The following PSD2 variants were observed in gnomAD, a reference collection of about 807,000 sequenced individuals.
The protein encoded by PSD2 is pleckstrin and Sec7 domain containing 2, also known as PH and SEC7 domain-containing protein 2.
A neutral mutation model predicts 69.8 loss-of-function variants in PSD2; 38 were observed. That is an observed-to-expected ratio of 0.54 (90% CI 0.42 to 0.71). The LOEUF is 0.71. Among genes scored for constraint, PSD2 ranks in the 30% least tolerant of loss-of-function variants. PSD2 has a pLI of 0.00. For synonymous variants in PSD2, 412 were observed against 423.0 expected, an observed-to-expected ratio of 0.97 and a Z score of 0.32; for missense variants, 943 against 1,014.5, an observed-to-expected ratio of 0.93 and a Z score of 0.96.
chr5:139,765,671 C>T, the PSD2 span, among the ~76,000 whole-genome samples: 1,409 of 152,358 alleles, frequency 9.2e-3, 7 homozygotes, highest in Non-Finnish European at 0.014. Context: ...GACCGAAGCG[C>T]GGGGCGCGGC....
chr5:139,782,017 C>T, the PSD2 span, among the ~76,000 whole-genome samples: 10 of 152,100 alleles, frequency 6.6e-5, no homozygotes, highest in East Asian at 1.4e-3. Context: ...CCCAGGGGCC[C>T]GAGAAAACAA....
the PSD2 span, among the ~76,000 whole-genome samples, chr5:139,758,444 C>T: frequency 5.3e-5 from 8 of 151,968 alleles, no homozygotes; most frequent in Non-Finnish European, 1.2e-4. Context: ...TGCTGCGGAC[C>T]GTGCGGGCAG....
chr5:139,823,105 A>G (rs1581727317), intron 7 of PSD2, among the ~76,000 whole-genome samples: 6 of 152,242 alleles, frequency 3.9e-5, no homozygotes, highest in Admixed American at 3.9e-4. Context: ...ATGCAGCTGC[A>G]TTGAAATACC....
At position 139,814,252 on chromosome 5, in the gene PSD2, C is replaced by G. The variant is rs758738537; in HGVS notation, c.904C>G (p.Pro302Ala). 1.3e-5 allele frequency: 21 copies of G among 1,613,730 alleles called. No individual in the cohort carries two copies. In the Admixed American group the frequency reaches 3.5e-4, roughly 27 times the overall value. The change falls in exon 4 of 15, where the codon CCT (proline) becomes GCT (alanine). Residue 302 changes from proline to alanine, a missense_variant. By Grantham distance (27) the Pro-to-Ala change is conservative. This residue lies in a region of PSD2 where 466 missense variants were observed against 445.0 expected (regional missense o/e 1.05). Transcript: ENST00000274710. The surrounding 1 kb of genome is among the most constrained non-coding windows in gnomAD (Gnocchi z 4.4). ...SEGLEPGSAD[P>A]LANGCQGVSE... ...GGGGTTGGAGCCTGGTAGTGCAGAC[C>G]CTCTGGCCAACGGGTGCCAGGGGGT...
chr5:139,825,155 A>C (rs1760384047), intron 7 of PSD2, among the ~76,000 whole-genome samples: 1 of 152,204 alleles, frequency 6.6e-6, no homozygotes, highest in Non-Finnish European at 1.5e-5. Flanking sequence ...AGCGATTACA[A>C]GTTGTGCAGC....
intron 7 of PSD2, among the ~76,000 whole-genome samples, chr5:139,827,672 C>T (rs1760461651): frequency 6.6e-6 from 1 of 152,154 alleles, no homozygotes; most frequent in Non-Finnish European, 1.5e-5. Context: ...GCTTGGGAGG[C>T]CTCAGGAAAC....
the PSD2 span, among the ~76,000 whole-genome samples, chr5:139,757,587 C>T: frequency 2.0e-5 from 3 of 152,136 alleles, no homozygotes; most frequent in African/African-American, 4.8e-5. Flanking sequence ...GTTGTTCCCC[C>T]GTCCCCACCC....
At chr5:139,750,025 TAAAA>T in the PSD2 span, among the ~76,000 whole-genome samples, 3 of 119,872 alleles carry the variant, frequency 2.5e-5, no homozygotes, top group South Asian at 8.0e-4. Flanking sequence ...GAGACCGTCT[TAAAA>T]AAAAAAAAAA....
intron 7 of PSD2, among the ~76,000 whole-genome samples, chr5:139,827,343 T>G (rs1014693515): frequency 2.6e-5 from 4 of 152,208 alleles, no homozygotes; most frequent in Admixed American, 2.6e-4. Flanking sequence ...GTTATAGACA[T>G]AAAATCGGAC....
At chr5:139,826,361 C>A (rs1760420558) in intron 7 of PSD2, among the ~76,000 whole-genome samples, 1 of 152,208 alleles carries the variant, frequency 6.6e-6, no homozygotes, top group African/African-American at 2.4e-5. Flanking sequence ...ACCCAACAGA[C>A]AAGATGCTGC....
chr5:139,826,858 A>G (rs964438193), intron 7 of PSD2, among the ~76,000 whole-genome samples: 19 of 152,168 alleles, frequency 1.2e-4, no homozygotes, highest in Non-Finnish European at 2.9e-5. Context: ...CGATAGATGC[A>G]GCAATTCCAG....
chr5:139,761,346 C>G, the PSD2 span, among the ~76,000 whole-genome samples: 1 of 152,204 alleles, frequency 6.6e-6, no homozygotes, highest in Admixed American at 6.5e-5. Flanking sequence ...CCATTCTTTC[C>G]TGTCTCCCAG....
the PSD2 span, among the ~76,000 whole-genome samples, chr5:139,749,530 G>A: frequency 6.6e-6 from 1 of 152,254 alleles, no homozygotes; most frequent in African/African-American, 2.4e-5. Flanking sequence ...TGTGTGGAAA[G>A]TAATGTCTCC....
At chr5:139,762,742 C>G in the PSD2 span, among the ~76,000 whole-genome samples, 6 of 152,032 alleles carry the variant, frequency 3.9e-5, no homozygotes, top group Admixed American at 1.3e-4. Context: ...ACAGACCCCT[C>G]CCGGCAGACC....
chr5:139,816,638 G>A (rs746356150), intron 4 of PSD2, among the ~76,000 whole-genome samples: 11 of 152,248 alleles, frequency 7.2e-5, no homozygotes, highest in Non-Finnish European at 1.2e-4. Context: ...TTTTTGACAA[G>A]AATTCCTCAT....
intron 7 of PSD2, among the ~76,000 whole-genome samples, chr5:139,830,084 C>T (rs546690064): frequency 3.4e-5 from 5 of 148,348 alleles, no homozygotes; most frequent in South Asian, 4.3e-4. Context: ...GAAGTGGTAT[C>T]TCATTGTGGT....
the PSD2 span, among the ~76,000 whole-genome samples, chr5:139,775,082 G>A: frequency 2.6e-5 from 4 of 152,244 alleles, no homozygotes; most frequent in Non-Finnish European, 5.9e-5. Flanking sequence ...ACCAGTCTGG[G>A]ATCAGCAAGA....
chr5:139,803,832 G>T (rs531794481), intron 1 of PSD2, among the ~76,000 whole-genome samples: 5 of 152,336 alleles, frequency 3.3e-5, no homozygotes, highest in South Asian at 4.1e-4. Context: ...TGTGGAGGAG[G>T]CTGGCCTGGG....
At chr5:139,828,434 G>A (rs911686615) in intron 7 of PSD2, among the ~76,000 whole-genome samples, 1 of 152,232 alleles carries the variant, frequency 6.6e-6, no homozygotes, top group African/African-American at 2.4e-5. Flanking sequence ...ATTGGGGCTG[G>A]ATGGTGGAGG....
Sources: gnomAD v4.1 joint callset for allele counts (sites outside exome capture counted in the v4.1 genomes callset) on GRCh38, gnomAD v4.1.1 for gene constraint, gnomAD v4.1.1 regional missense constraint, Gnocchi (gnomAD v3.1) non-coding constraint, MANE v1.5 for transcripts, NCBI Gene and HGNC (gene_info 2026-07-23, HGNC 2026-07-21) for gene names.